The following CTNND2 variants were observed in gnomAD, a reference collection of about 807,000 sequenced individuals.
CTNND2 encodes catenin delta-2.
CTNND2 carries 22 observed loss-of-function variants against 144.4 expected under a neutral mutation model. The observed-to-expected ratio is 0.15, with a 90% CI of 0.11 to 0.22. The LOEUF is 0.22. CTNND2 is among the 10% of genes least tolerant of loss of function. The pLI is 1.00. For synonymous variants in CTNND2, 751 were observed against 695.6 expected (o/e 1.08, Z -1.25); for missense variants, 1,353 against 1,618.8 (o/e 0.84, Z 2.82).
At chr5:11,262,098 T>G (rs1056262390) in intron 9 of CTNND2, among the ~76,000 whole-genome samples, 6 of 152,082 alleles carry the variant, frequency 3.9e-5, no homozygotes, top group Non-Finnish European at 7.4e-5. Context: ...CATGCTAAAG[T>G]TCCACGTTAC....
chr5:11,267,637 T>C (rs1745585313), intron 9 of CTNND2, among the ~76,000 whole-genome samples: 1 of 152,198 alleles, frequency 6.6e-6, no homozygotes, highest in African/African-American at 2.4e-5. Flanking sequence ...ACCGTGTGAT[T>C]TAAAAGGACT....
At chr5:11,288,344 T>A (rs2024085) in intron 9 of CTNND2, among the ~76,000 whole-genome samples, 11,438 of 152,074 alleles carry the variant, frequency 0.075, 567 homozygotes, top group Admixed American at 0.12. Context: ...TTTTTTTTTT[T>A]AAATACGACT....
At chr5:11,300,621 C>T (rs903688202) in intron 9 of CTNND2, among the ~76,000 whole-genome samples, 3 of 148,530 alleles carry the variant, frequency 2.0e-5, no homozygotes, top group Non-Finnish European at 3.0e-5. Context: ...TTTAGACAAA[C>T]AACTTTTTTT....
intron 3 of CTNND2, among the ~76,000 whole-genome samples, chr5:11,502,175 C>T (rs537593588): frequency 1.3e-4 from 19 of 150,320 alleles, no homozygotes; most frequent in Non-Finnish European, 2.4e-4. Flanking sequence ...CTTCCAACGT[C>T]CAGAACTGTG....
In CTNND2 at chr5:10,988,336, G is replaced by T; in HGVS notation, c.3212-94C>A. On this transcript the variant is annotated intron_variant, in intron 19 of 21. Transcript: ENST00000304623. The surrounding 1 kb of genome is among the most constrained non-coding windows in gnomAD (Gnocchi z 5.9). ...CAGGGTCCTCACTATGCATGGTCCC[G>T]CATCTCAATGCCTACGTGAGGACCT... 5.6e-6 allele frequency: 8 copies of T among 1,440,336 alleles called. No individual in the cohort carries two copies. Among genetic ancestry groups the T allele is most frequent in the Middle Eastern group, 1.8e-4 (1 of 5,434 alleles). The allele number at this position is 1,440,336 out of a possible 1,614,324, so 89.2% of individuals were successfully genotyped here.
chr5:11,117,507 C>T lies in CTNND2; in HGVS notation c.2220G>A (p.Thr740=), dbSNP rs1052851179. Residue 740 remains threonine, a synonymous_variant, in exon 13 of 22, where the codon ACG becomes ACA. Coordinates refer to ENST00000304623, the MANE Select transcript of CTNND2 (RefSeq NM_001332.4). ...ACTGGATCACGTACAGCAAGGCATC[C>T]GTAAGCCCATCACACTCTCTCATCC... ...RRRMRECDGL[T]DALLYVIQSA... is the part of the protein sequence containing the mutation. 1.2e-5 allele frequency: 19 copies of T among 1,614,064 alleles called. No individual in the cohort carries two copies. The highest frequency in any genetic ancestry group is 2.2e-5 in the East Asian group (1 of 44,892).
At chr5:11,656,437 A>C (rs16901826) in intron 2 of CTNND2, among the ~76,000 whole-genome samples, 2,814 of 151,762 alleles carry the variant, frequency 0.019, 94 homozygotes, top group African/African-American at 0.064. Context: ...AAAATATACT[A>C]ATGTGAACCA....
At chr5:11,079,137 A>G (rs1464873539) in intron 16 of CTNND2, among the ~76,000 whole-genome samples, 2 of 152,248 alleles carry the variant, frequency 1.3e-5, no homozygotes, top group Non-Finnish European at 2.9e-5. Flanking sequence ...GGGGAAAAAG[A>G]ACCATGTAAC....
intron 7 of CTNND2, among the ~76,000 whole-genome samples, chr5:11,368,286 T>C (rs1476827970): frequency 6.6e-6 from 1 of 152,144 alleles, no homozygotes; most frequent in Non-Finnish European, 1.5e-5. Flanking sequence ...AACTACCACA[T>C]ATCCTGTCAT....
chr5:11,508,331 C>T (rs1408613989), intron 3 of CTNND2: 2 of 152,086 alleles, frequency 1.3e-5, no homozygotes, highest in African/African-American at 4.8e-5. Flanking sequence ...TGACTTTTTC[C>T]CTTGCTGTTC....
At chr5:11,317,218 C>T (rs959698715) in intron 9 of CTNND2, among the ~76,000 whole-genome samples, 2 of 152,146 alleles carry the variant, frequency 1.3e-5, no homozygotes, top group African/African-American at 2.4e-5. Flanking sequence ...AGATTTGTTA[C>T]CGAGCCCAGG....
intron 8 of CTNND2, among the ~76,000 whole-genome samples, chr5:11,359,608 G>T (rs1459182619): frequency 2.0e-5 from 3 of 152,154 alleles, no homozygotes; most frequent in Non-Finnish European, 4.4e-5. Context: ...GAGTCCTCGG[G>T]CAGGTGGGCA....
chr5:11,045,188 C>A (rs1405826812), intron 16 of CTNND2, among the ~76,000 whole-genome samples: 1 of 152,242 alleles, frequency 6.6e-6, no homozygotes, highest in East Asian at 1.9e-4. Context: ...TAAAAGAATA[C>A]CTGAGACTGG....
At chr5:11,583,034 G>T (rs1778561556) in intron 2 of CTNND2, among the ~76,000 whole-genome samples, 2 of 152,164 alleles carry the variant, frequency 1.3e-5, no homozygotes, top group African/African-American at 2.4e-5. Context: ...TTTAAGCAAG[G>T]CTGATAAAGT....
At chr5:11,409,812 A>G (rs1248927269) in intron 5 of CTNND2, among the ~76,000 whole-genome samples, 1 of 152,090 alleles carries the variant, frequency 6.6e-6, no homozygotes, top group East Asian at 1.9e-4. Flanking sequence ...AATAACTCAT[A>G]ACTACTTTCT....
At chr5:10,976,876 TGAAG>T (rs1248822778) in intron 21 of CTNND2, among the ~76,000 whole-genome samples, 3 of 152,146 alleles carry the variant, frequency 2.0e-5, no homozygotes, top group Admixed American at 6.5e-5. Flanking sequence ...TCACAGAAAA[TGAAG>T]GAGGCCAGAT....
chr5:11,364,277 T>C (rs528666348), intron 8 of CTNND2, among the ~76,000 whole-genome samples: 14 of 152,256 alleles, frequency 9.2e-5, no homozygotes, highest in Middle Eastern at 3.2e-3. Context: ...TTAGTAAATA[T>C]GTTTTTGTTC....
At position 11,382,595 on chromosome 5, in the gene CTNND2, C is replaced by CTGTGTATATGTG. The variant is rs755324887; in HGVS notation, c.1177+2069_1177+2070insCACATATACACA. Among the ~76,000 whole-genome samples, 743 of 130,216 alleles carry CTGTGTATATGTG rather than the reference C, an allele frequency of 5.7e-3. 8 individuals are homozygous for CTGTGTATATGTG. Among genetic ancestry groups the CTGTGTATATGTG allele is most frequent in the South Asian group, 8.7e-3 (34 of 3,928 alleles). 85.4% of individuals were successfully genotyped at this position (130,216 alleles called of 152,430 possible). A position where few individuals can be genotyped will look rare whatever the true frequency, so the allele number is the denominator to read the frequency against. On this transcript the variant is annotated intron_variant, in intron 7 of 21. Coordinates refer to ENST00000304623, the MANE Select transcript of CTNND2 (RefSeq NM_001332.4). Reference sequence around the variant, plus strand: ...CCTGGGCAACCGACAGAGTGAGACTCTGTGTGTGTGTGTGTGTGTGTGTGT... The same window carrying CTGTGTATATGTG: ...CCTGGGCAACCGACAGAGTGAGACTCTGTGTATATGTGTGTGTGTGTGTGTGTGTGTGTGTGT...
rs550524721 is a variant in CTNND2, at chr5:11,087,051, G to A, written c.2638-4205C>T. Among the ~76,000 whole-genome samples, 28 of 152,104 alleles carry A rather than the reference G, an allele frequency of 1.8e-4. 1 individual carries two copies. The highest frequency in any genetic ancestry group is 3.4e-4 in the Non-Finnish European group (23 of 68,012). Reference sequence around the variant, plus strand: ...TACTCTTGTGTTAGAAGTATAGTCTGCAATTAAATGATTTTCAGTTAAATA... The same window carrying A: ...TACTCTTGTGTTAGAAGTATAGTCTACAATTAAATGATTTTCAGTTAAATA... On this transcript the variant is annotated intron_variant, in intron 15 of 21. Transcript: ENST00000304623.
Sources: allele counts gnomAD v4.1 joint callset (sites outside exome capture counted in the v4.1 genomes callset), GRCh38; gene constraint gnomAD v4.1.1; non-coding constraint Gnocchi (gnomAD v3.1); transcripts MANE v1.5; gene names NCBI Gene and HGNC (gene_info 2026-07-23, HGNC 2026-07-21).